The following MACROD2 variants were observed in gnomAD, a reference collection of about 807,000 sequenced individuals.
The protein encoded by MACROD2 is mono-ADP ribosylhydrolase 2, also known as ADP-ribose glycohydrolase MACROD2.
A neutral mutation model predicts 70.4 loss-of-function variants in MACROD2; 36 were observed. That is an observed-to-expected ratio of 0.51 (90% CI 0.39 to 0.68). The LOEUF is 0.68. Among genes scored for constraint, MACROD2 ranks in the 30% least tolerant of loss-of-function variants. MACROD2 has a pLI of 0.00. For missense variants in MACROD2, 496 were observed against 538.4 expected, an observed-to-expected ratio of 0.92 and a Z score of 0.78; for synonymous variants, 172 against 178.8, an observed-to-expected ratio of 0.96 and a Z score of 0.30.
chr20:14,958,541 G>T (rs964937396), intron 5 of MACROD2, among the ~76,000 whole-genome samples: 4 of 152,098 alleles, frequency 2.6e-5, no homozygotes, highest in Non-Finnish European at 4.4e-5. Flanking sequence ...CTGTCCAAGG[G>T]CCAAGGTTGT....
At chr20:14,994,206 A>G (rs1431738331) in intron 5 of MACROD2, among the ~76,000 whole-genome samples, 1 of 152,132 alleles carries the variant, frequency 6.6e-6, no homozygotes, top group East Asian at 1.9e-4. Context: ...GTTATATAGC[A>G]CTTGCCATAT....
intron 3 of MACROD2, among the ~76,000 whole-genome samples, chr20:14,384,863 C>T (rs2083454814): frequency 1.3e-5 from 2 of 152,004 alleles, no homozygotes; most frequent in African/African-American, 4.8e-5. Flanking sequence ...GCTTGGAATT[C>T]TTTGGTAGTT....
chr20:14,409,956 A>C (rs2083732190), intron 3 of MACROD2, among the ~76,000 whole-genome samples: 1 of 152,104 alleles, frequency 6.6e-6, no homozygotes. Flanking sequence ...GTAGGTAGAC[A>C]TGAAAGTTTT....
chr20:15,501,499 A>G (rs773075291), intron 8 of MACROD2, among the ~76,000 whole-genome samples: 11 of 152,228 alleles, frequency 7.2e-5, no homozygotes, highest in Non-Finnish European at 1.5e-4. Flanking sequence ...AATTATTCAG[A>G]AAGTTATTTT....
chr20:15,476,581 G>T (rs1041796234), intron 7 of MACROD2, among the ~76,000 whole-genome samples: 1 of 146,274 alleles, frequency 6.8e-6, no homozygotes, highest in African/African-American at 2.6e-5. Flanking sequence ...CCCCCCCCCG[G>T]TAAGTCTGTC....
chr20:14,742,236 T>C (rs1263643325), intron 5 of MACROD2, among the ~76,000 whole-genome samples: 1 of 152,132 alleles, frequency 6.6e-6, no homozygotes, highest in Non-Finnish European at 1.5e-5. Context: ...GGAGTGTGAA[T>C]CCTGAGAGAA....
intron 8 of MACROD2, among the ~76,000 whole-genome samples, chr20:15,747,948 C>G (rs554204027): frequency 6.6e-6 from 1 of 152,026 alleles, no homozygotes; most frequent in East Asian, 1.9e-4. Context: ...ATTCTGCTAT[C>G]CTGTTTTATA....
intron 5 of MACROD2, among the ~76,000 whole-genome samples, chr20:15,052,536 A>G (rs1004342192): frequency 1.3e-5 from 2 of 152,136 alleles, no homozygotes; most frequent in African/African-American, 2.4e-5. Context: ...TACTATTGTC[A>G]TTGTTTTGGG....
At position 15,353,843 on chromosome 20, in the gene MACROD2, G is replaced by A. The variant is rs1369730842; in HGVS notation, c.541-77562G>A. On this transcript the variant is annotated intron_variant, in intron 6 of 17. Transcript: ENST00000684519. ...TATAATGGCAATCATTAAAAAGTCA[G>A]GAAACAACAGGTGCTGGAGAGGATG... is the stretch of plus-strand genomic sequence containing the variant. 2.2e-5 allele frequency among the ~76,000 whole-genome samples: 2 copies of A among 92,136 alleles called. 1 individual carries two copies. Among genetic ancestry groups the A allele is most frequent in the East Asian group, 8.8e-4 (2 of 2,272 alleles). 60.4% of individuals were successfully genotyped at this position (92,136 alleles called of 152,430 possible). A position where few individuals can be genotyped will look rare whatever the true frequency, so the allele number is the denominator to read the frequency against.
At chr20:14,539,126 T>G (rs1402356057) in intron 4 of MACROD2, among the ~76,000 whole-genome samples, 1 of 152,198 alleles carries the variant, frequency 6.6e-6, no homozygotes, top group Non-Finnish European at 1.5e-5. Context: ...ACAGTAGAAA[T>G]CAAGACCTTT....
intron 8 of MACROD2, among the ~76,000 whole-genome samples, chr20:15,793,653 T>C (rs1031223237): frequency 2.0e-5 from 3 of 151,696 alleles, no homozygotes; most frequent in African/African-American, 4.8e-5. Flanking sequence ...TCCTTAAGAA[T>C]AGACTTAGTG....
intron 8 of MACROD2, among the ~76,000 whole-genome samples, chr20:15,580,242 C>T (rs1237627084): frequency 6.6e-6 from 1 of 152,182 alleles, no homozygotes; most frequent in Non-Finnish European, 1.5e-5. Context: ...TCTGAAGTCA[C>T]ACCTTCTGCC....
intron 8 of MACROD2, among the ~76,000 whole-genome samples, chr20:15,590,922 A>T (rs1568915269): frequency 6.7e-6 from 1 of 149,242 alleles, no homozygotes; most frequent in Admixed American, 6.9e-5. Context: ...AAGGAAGGAA[A>T]GAAGGAAGGA....
Position 15,567,097 on chromosome 20 carries a change from TG to T in MACROD2, c.645+67254del, listed in dbSNP as rs201845237. ...CCTCCTCTGTTTTAAATAACTATTGTGGGGTTTTTTTTTTCAGAAAATTATT... is the reference window on the plus strand; with the variant it reads ...CCTCCTCTGTTTTAAATAACTATTGTGGGTTTTTTTTTTCAGAAAATTATT... On this transcript the variant is annotated intron_variant, in intron 8 of 17. Transcript: ENST00000684519. Among the ~76,000 whole-genome samples the T allele has an allele frequency of 3.0e-3, 419 of 140,410 alleles. 4 individuals carry two copies. The highest frequency in any genetic ancestry group is 0.013 in the South Asian group (54 of 4,258). The allele number at this position is 140,410 out of a possible 152,430, so 92.1% of individuals were successfully genotyped here.
chr20:15,479,858 C>T (rs1030704434), intron 7 of MACROD2, among the ~76,000 whole-genome samples: 1 of 152,030 alleles, frequency 6.6e-6, no homozygotes, highest in Non-Finnish European at 1.5e-5. Flanking sequence ...TAATTGACAC[C>T]CACCGACTGT....
At chr20:15,441,614 TAAA>T (rs1013011935) in intron 7 of MACROD2, among the ~76,000 whole-genome samples, 35 of 151,850 alleles carry the variant, frequency 2.3e-4, no homozygotes, top group African/African-American at 8.0e-4. Context: ...AATAAATAAT[TAAA>T]AAAGAAAACA....
chr20:14,689,141 C>A (rs1157244658), intron 5 of MACROD2, among the ~76,000 whole-genome samples: 1 of 152,140 alleles, frequency 6.6e-6, no homozygotes, highest in Non-Finnish European at 1.5e-5. Context: ...TGCTGGATTT[C>A]TATTCTTCTA....
chr20:14,440,278 A>G (rs982513005), intron 3 of MACROD2, among the ~76,000 whole-genome samples: 19 of 152,166 alleles, frequency 1.2e-4, no homozygotes, highest in Admixed American at 5.2e-4. Context: ...GCTGGTCACA[A>G]TGGCTTTGAA....
intron 5 of MACROD2, among the ~76,000 whole-genome samples, chr20:15,151,993 G>C (rs2076273470): frequency 6.6e-6 from 1 of 151,928 alleles, no homozygotes; most frequent in Non-Finnish European, 1.5e-5. Context: ...GGACAGGTGG[G>C]AGGGAAAGAA....
Sources: gnomAD v4.1 joint callset for allele counts (sites outside exome capture counted in the v4.1 genomes callset) on GRCh38, gnomAD v4.1.1 for gene constraint, MANE v1.5 for transcripts, NCBI Gene and HGNC (gene_info 2026-07-23, HGNC 2026-07-21) for gene names.